RGS7: variants seen among roughly 807,000 people sequenced by gnomAD.
The protein encoded by RGS7 is regulator of G protein signaling 7.
In RGS7, 27 loss-of-function variants were observed where a neutral mutation model predicts 81.1. The ratio of observed to expected loss-of-function variants is 0.33; its 90% CI spans 0.25 to 0.46. The LOEUF is 0.46. RGS7 is among the 20% of genes least tolerant of loss of function. RGS7 has a pLI of 1.00. For synonymous variants in RGS7, 208 were observed against 207.7 expected, an observed-to-expected ratio of 1.00 and a Z score of -0.01; for missense variants, 396 against 607.4, an observed-to-expected ratio of 0.65 and a Z score of 3.66.
In RGS7 at chr1:240,827,081, A is replaced by G; in HGVS notation, c.684+17T>C. ...GCAATCCATCACCAAGATCAGCACA[A>G]CAAATGACAGTTTTACCTTCCGTGT... On this transcript the variant is annotated intron_variant, in intron 10 of 18. Coordinates refer to ENST00000440928, the MANE Select transcript of RGS7 (RefSeq NM_001364886.1). 6.2e-7 allele frequency: 1 copy of G among 1,602,578 alleles called. No homozygotes were observed. The highest frequency in any genetic ancestry group is 8.6e-7 in the Non-Finnish European group (1 of 1,169,550).
chr1:241,345,579 A>T (rs2082845164), intron 2 of RGS7, among the ~76,000 whole-genome samples: 1 of 152,196 alleles, frequency 6.6e-6, no homozygotes, highest in African/African-American at 2.4e-5. Context: ...TTCTATTATA[A>T]AAGTGAGTAA....
chr1:241,155,964 C>CACAA (rs2069096202), intron 2 of RGS7, among the ~76,000 whole-genome samples: 2 of 151,950 alleles, frequency 1.3e-5, no homozygotes, highest in African/African-American at 4.8e-5. Flanking sequence ...TAGTAACTAC[C>CACAA]ACAGGGATTA....
At chr1:241,080,226 A>G (rs908812256) in intron 3 of RGS7, among the ~76,000 whole-genome samples, 4 of 151,912 alleles carry the variant, frequency 2.6e-5, no homozygotes, top group African/African-American at 9.7e-5. Flanking sequence ...CAATTAATAA[A>G]CCTTTTATCT....
At chr1:240,812,426 ATTTCTTT>A (rs1287875108) in intron 13 of RGS7, among the ~76,000 whole-genome samples, 1 of 128,214 alleles carries the variant, frequency 7.8e-6, no homozygotes, top group Non-Finnish European at 1.7e-5. Flanking sequence ...CCAGTGCCAC[ATTTCTTT>A]TTTCTTTTTT....
intron 2 of RGS7, among the ~76,000 whole-genome samples, chr1:241,301,545 G>A (rs928587454): frequency 1.3e-5 from 2 of 152,326 alleles, no homozygotes; most frequent in African/African-American, 4.8e-5. Context: ...GTTAAGTTGT[G>A]TAAGTGTTTG....
chr1:241,345,575 T>C (rs1297126326), intron 2 of RGS7, among the ~76,000 whole-genome samples: 1 of 152,206 alleles, frequency 6.6e-6, no homozygotes, highest in Non-Finnish European at 1.5e-5. Flanking sequence ...ATTTTTCTAT[T>C]ATAAAAGTGA....
At chr1:241,220,784 C>T (rs1573195358) in intron 2 of RGS7, among the ~76,000 whole-genome samples, 1 of 151,916 alleles carries the variant, frequency 6.6e-6, no homozygotes, top group South Asian at 2.1e-4. Flanking sequence ...CCTATAATCC[C>T]AGCACTTTGG....
At chr1:241,159,902 C>T (rs1297682894) in intron 2 of RGS7, among the ~76,000 whole-genome samples, 1 of 151,872 alleles carries the variant, frequency 6.6e-6, no homozygotes, top group Non-Finnish European at 1.5e-5. Flanking sequence ...CTCCTTGGGT[C>T]ATTTCATCAT....
At chr1:240,787,606 T>G (rs1685283114) in intron 18 of RGS7, among the ~76,000 whole-genome samples, 1 of 152,186 alleles carries the variant, frequency 6.6e-6, no homozygotes, top group Admixed American at 6.5e-5. Flanking sequence ...ACTGATGAAA[T>G]TCTGATAAAA....
chr1:240,938,581 T>C (rs1204625873), intron 4 of RGS7, among the ~76,000 whole-genome samples: 3 of 152,196 alleles, frequency 2.0e-5, no homozygotes, highest in Non-Finnish European at 4.4e-5. Context: ...ATGATGCCCC[T>C]TGAAATTGTT....
At chr1:240,913,646 T>C (rs571735450) in intron 6 of RGS7, among the ~76,000 whole-genome samples, 3 of 152,272 alleles carry the variant, frequency 2.0e-5, no homozygotes, top group Admixed American at 6.5e-5. Context: ...ACTTCCTTTT[T>C]ATTAAGGAAG....
intron 3 of RGS7, among the ~76,000 whole-genome samples, chr1:241,092,131 C>T (rs78405753): frequency 0.011 from 1,671 of 152,204 alleles, 32 homozygotes; most frequent in African/African-American, 0.038. Context: ...TTCTAGAATA[C>T]AGCACACAAG....
chr1:240,983,206 C>T, intron 3 of RGS7, 77 bp from the exon 4 acceptor site: 1 of 755,460 alleles, frequency 1.3e-6, no homozygotes, highest in East Asian at 2.6e-5. Context: ...AATTCTCCAC[C>T]TTTGGTGCTC....
chr1:240,892,433 A>G (rs998428289), intron 6 of RGS7, among the ~76,000 whole-genome samples: 2 of 152,194 alleles, frequency 1.3e-5, no homozygotes, highest in African/African-American at 2.4e-5. Context: ...TCCCAAGCCA[A>G]AAGCCCCGTA....
chr1:241,147,504 T>A (rs1020229510), intron 2 of RGS7, among the ~76,000 whole-genome samples: 1 of 152,084 alleles, frequency 6.6e-6, no homozygotes, highest in Non-Finnish European at 1.5e-5. Flanking sequence ...ACCTTCTTTG[T>A]CTTGGTCTTT....
intron 9 of RGS7, among the ~76,000 whole-genome samples, chr1:240,861,147 C>A (rs1662127720): frequency 6.6e-6 from 1 of 152,132 alleles, no homozygotes; most frequent in Non-Finnish European, 1.5e-5. Flanking sequence ...CTACAAAATG[C>A]TGATTATATA....
At chr1:241,138,012 A>C (rs1375489908) in intron 2 of RGS7, among the ~76,000 whole-genome samples, 2 of 151,950 alleles carry the variant, frequency 1.3e-5, no homozygotes, top group Non-Finnish European at 2.9e-5. Flanking sequence ...CTCTACAAAA[A>C]ATACAAAAAT....
At chr1:240,810,769 C>T (rs1167773475) in intron 14 of RGS7, among the ~76,000 whole-genome samples, 2 of 152,092 alleles carry the variant, frequency 1.3e-5, no homozygotes, top group Non-Finnish European at 2.9e-5. Context: ...TTCTTGCACT[C>T]AATTATTGAC....
intron 4 of RGS7, among the ~76,000 whole-genome samples, chr1:240,941,999 T>A (rs866418064): frequency 5.3e-5 from 8 of 152,122 alleles, no homozygotes; most frequent in Middle Eastern, 3.4e-3. Flanking sequence ...AAATTCCAGC[T>A]TATTTTTTTG....
Sources: gnomAD v4.1 joint callset for allele counts (sites outside exome capture counted in the v4.1 genomes callset) on GRCh38, gnomAD v4.1.1 for gene constraint, MANE v1.5 for transcripts, NCBI Gene and HGNC (gene_info 2026-07-23, HGNC 2026-07-21) for gene names.